Variants in EAF2 observed in about 807,000 individuals in gnomAD.
The protein encoded by EAF2 is ELL associated factor 2, also known as ELL-associated factor 2.
EAF2 carries 29 observed loss-of-function variants against 29.4 expected under a neutral mutation model. That is an observed-to-expected ratio of 0.99 (90% confidence interval 0.73 to 1.35). EAF2 has a LOEUF of 1.35. EAF2 is among the 40% of genes most tolerant of loss of function. The probability of loss-of-function intolerance (pLI) is 0.00; values close to 1 mark genes in which losing one functional copy is unlikely to be tolerated. For synonymous variants in EAF2, 103 were observed against 102.5 expected, an observed-to-expected ratio of 1.00 and a Z score of -0.03; for missense variants, 292 against 312.0, an observed-to-expected ratio of 0.94 and a Z score of 0.48.
intron 5 of EAF2, among the ~76,000 whole-genome samples, chr3:121,875,610 G>A (rs1709081936): frequency 1.3e-5 from 2 of 151,958 alleles, no homozygotes; most frequent in South Asian, 4.1e-4. Context: ...AACAGTTAGA[G>A]CAGGGATTCT....
At chr3:121,880,911 T>C (rs984789998) in intron 5 of EAF2, among the ~76,000 whole-genome samples, 5 of 152,152 alleles carry the variant, frequency 3.3e-5, no homozygotes, top group Non-Finnish European at 5.9e-5. Context: ...CTAGACCTAG[T>C]TTGTTGAGGG....
At position 121,886,509 on chromosome 3, in the gene EAF2, T is replaced by A; in HGVS notation, c.*121T>A. The A allele has an allele frequency of 2.2e-6, 1 of 449,070 alleles. No individual in the cohort carries two copies. Among genetic ancestry groups the A allele is most frequent in the Non-Finnish European group, 3.6e-6 (1 of 276,310 alleles). The allele number at this position is 449,070 out of a possible 1,614,324, so 27.8% of individuals were successfully genotyped here. Reference sequence around the variant, plus strand: ...ACTTTTGATGATAAAAGAAATTAAATTTGATTCAGAAATTTCAGTTGATGT... The same window carrying A: ...ACTTTTGATGATAAAAGAAATTAAAATTGATTCAGAAATTTCAGTTGATGT... On this transcript the variant is annotated 3_prime_UTR_variant, in exon 6 of 6. Transcript: ENST00000273668.
chr3:121,869,152 A>T (rs1708971189), intron 4 of EAF2, among the ~76,000 whole-genome samples: 1 of 152,242 alleles, frequency 6.6e-6, no homozygotes, highest in Non-Finnish European at 1.5e-5. Context: ...AATTAAAAAT[A>T]CATGCAGCTA....
intron 2 of EAF2, among the ~76,000 whole-genome samples, chr3:121,849,928 A>T (rs1034144326): frequency 1.5e-5 from 2 of 130,944 alleles, no homozygotes. Context: ...TCTGATATAT[A>T]TATATATGTA....
rs563739107 is a variant in EAF2, at chr3:121,881,795, G to T, written c.737-4547G>T. 1.1e-3 allele frequency among the ~76,000 whole-genome samples: 168 copies of T among 152,200 alleles called. 1 individual carries two copies. The highest frequency in any genetic ancestry group is 3.4e-3 in the African/African-American group (140 of 41,530). ...CAAAGTGCCGTGATTGCAGGTGTGA[G>T]CCAATGCACCCAGCCTTAATTATAA... is the stretch of plus-strand genomic sequence containing the variant. On this transcript the variant is annotated intron_variant, in intron 5 of 5. Transcript: ENST00000273668.
chr3:121,886,020 T>C (rs1287681783), intron 5 of EAF2, among the ~76,000 whole-genome samples: 2 of 151,902 alleles, frequency 1.3e-5, no homozygotes, highest in Non-Finnish European at 2.9e-5. Flanking sequence ...CAAAGTGATA[T>C]AGTTTAATCT....
At chr3:121,856,956 AT>A (rs1708729360) in intron 3 of EAF2, 54 bp from the exon 4 acceptor site, 2 of 1,513,068 alleles carry the variant, frequency 1.3e-6, no homozygotes, top group Admixed American at 4.3e-5. Flanking sequence ...TGTAAGTTAA[AT>A]TTTTGTTACA....
intron 5 of EAF2, among the ~76,000 whole-genome samples, chr3:121,885,272 T>C (rs1365324658): frequency 6.6e-6 from 1 of 152,184 alleles, no homozygotes; most frequent in African/African-American, 2.4e-5. Flanking sequence ...GTCTTCAAAG[T>C]ACATTATGAA....
At chr3:121,868,279 A>G (rs79094291) in intron 4 of EAF2, among the ~76,000 whole-genome samples, 16,906 of 152,248 alleles carry the variant, frequency 0.11, 1,008 homozygotes, top group South Asian at 0.16. Flanking sequence ...ACATGTGACC[A>G]TATTAATATC....
chr3:121,846,809 G>T (rs1351863492), intron 2 of EAF2, among the ~76,000 whole-genome samples: 1 of 151,740 alleles, frequency 6.6e-6, no homozygotes, highest in Non-Finnish European at 1.5e-5. Context: ...CCAAAGAAAT[G>T]AGGTTTCTTA....
intron 2 of EAF2, among the ~76,000 whole-genome samples, chr3:121,847,311 G>A (rs1473520114): frequency 6.6e-6 from 1 of 152,188 alleles, no homozygotes; most frequent in Non-Finnish European, 1.5e-5. Flanking sequence ...ACAGGGAGGA[G>A]ACATCAGGAC....
chr3:121,850,901 A>T (rs778453072), intron 2 of EAF2, among the ~76,000 whole-genome samples: 4 of 151,548 alleles, frequency 2.6e-5, no homozygotes, highest in Non-Finnish European at 4.4e-5. Flanking sequence ...GGGGTTCACT[A>T]TGTTGACCAG....
At chr3:121,871,951 T>C (rs1369468466) in intron 4 of EAF2, among the ~76,000 whole-genome samples, 1 of 151,880 alleles carries the variant, frequency 6.6e-6, no homozygotes, top group Non-Finnish European at 1.5e-5. Context: ...ATCTAGAACT[T>C]GAAAAATGCT....
chr3:121,877,440 T>G (rs538020215), intron 5 of EAF2, among the ~76,000 whole-genome samples: 4 of 152,096 alleles, frequency 2.6e-5, no homozygotes, highest in Non-Finnish European at 5.9e-5. Context: ...ATTTGAAACA[T>G]TTACAGAAAT....
chr3:121,865,808 G>T (rs1326012550), intron 4 of EAF2, among the ~76,000 whole-genome samples: 1 of 152,150 alleles, frequency 6.6e-6, no homozygotes, highest in Non-Finnish European at 1.5e-5. Flanking sequence ...CTCCTTGCAT[G>T]CCTGGCCTGA....
In EAF2 at chr3:121,886,249, C is replaced by T. The variant is rs1156633865; in HGVS notation, c.737-93C>T. On this transcript the variant is annotated intron_variant, in intron 5 of 5. Transcript: ENST00000273668. ...AAAATACTAGGTAAACAGAATCACG[C>T]TTGGGGGCTATATTTTGTGTAAAAT... The T allele has an allele frequency of 5.5e-6, 4 of 723,546 alleles. No individual in the cohort carries two copies. The Admixed American group carries it at 1.4e-4, about 25-fold the overall frequency. The allele number at this position is 723,546 out of a possible 1,614,324, so 44.8% of individuals were successfully genotyped here. A position where few individuals can be genotyped will look rare whatever the true frequency, so the allele number is the denominator to read the frequency against.
intron 4 of EAF2, among the ~76,000 whole-genome samples, chr3:121,858,462 G>T (rs1332186965): frequency 6.6e-6 from 1 of 152,212 alleles, no homozygotes; most frequent in Admixed American, 6.5e-5. Context: ...CTGCATAAAT[G>T]TCTTCTTTTG....
chr3:121,885,155 C>T (rs912894608), intron 5 of EAF2, among the ~76,000 whole-genome samples: 3 of 152,196 alleles, frequency 2.0e-5, no homozygotes, highest in Non-Finnish European at 4.4e-5. Context: ...TAAATGATAA[C>T]TCAGTAAATG....
rs1576630950 is a variant in EAF2, at chr3:121,835,212, T to C, written c.-74T>C. The C allele has an allele frequency of 9.1e-6, 13 of 1,432,302 alleles. No individual in the cohort carries two copies. The highest frequency in any genetic ancestry group is 6.9e-5 in the South Asian group (6 of 86,788). The allele number at this position is 1,432,302 out of a possible 1,614,324, so 88.7% of individuals were successfully genotyped here. On this transcript the variant is annotated 5_prime_UTR_variant, in exon 1 of 6. Transcript: ENST00000273668. ...GGGTGACTTGGCTGGCGGGATCAAG[T>C]GCAGCTGCTTCAGGCTGAGGTGGCA...
Sources: gnomAD v4.1 joint callset for allele counts (sites outside exome capture counted in the v4.1 genomes callset) on GRCh38, gnomAD v4.1.1 for gene constraint, MANE v1.5 for transcripts, NCBI Gene and HGNC (gene_info 2026-07-23, HGNC 2026-07-21) for gene names.